The following ADGRL3 variants were observed in gnomAD, a reference collection of about 807,000 sequenced individuals.
ADGRL3 encodes adhesion G protein-coupled receptor L3.
In ADGRL3, 62 loss-of-function variants were observed where a neutral mutation model predicts 153.5. The ratio of observed to expected loss-of-function variants is 0.40; its 90% CI spans 0.33 to 0.50. The LOEUF is 0.50. Among genes scored for constraint, ADGRL3 ranks in the 20% least tolerant of loss-of-function variants. The probability of loss-of-function intolerance (pLI) is 0.47; values close to 1 mark genes in which losing one functional copy is unlikely to be tolerated. For synonymous variants in ADGRL3, 710 were observed against 672.5 expected (o/e 1.06, Z -0.86); for missense variants, 1,641 against 1,859.4 (o/e 0.88, Z 2.16).
intron 2 of ADGRL3, among the ~76,000 whole-genome samples, chr4:61,429,815 T>A (rs1340652212): frequency 6.6e-6 from 1 of 152,110 alleles, no homozygotes; most frequent in African/African-American, 2.4e-5. Flanking sequence ...GGAAATGAAG[T>A]AATTTTTTAA....
At chr4:62,042,713 C>A (rs575364201) in intron 24 of ADGRL3, among the ~76,000 whole-genome samples, 5 of 151,958 alleles carry the variant, frequency 3.3e-5, no homozygotes, top group African/African-American at 9.7e-5. Context: ...AAGGACATAT[C>A]CCTTAATATA....
At chr4:61,372,830 C>G (rs946271000) in intron 1 of ADGRL3, among the ~76,000 whole-genome samples, 10 of 152,162 alleles carry the variant, frequency 6.6e-5, no homozygotes, top group African/African-American at 1.9e-4. Flanking sequence ...CCCCCAGTCT[C>G]GCTGCCGCCT....
At chr4:61,830,617 A>T (rs191597571) in intron 9 of ADGRL3, among the ~76,000 whole-genome samples, 1 of 152,150 alleles carries the variant, frequency 6.6e-6, no homozygotes, top group Non-Finnish European at 1.5e-5. Context: ...GATAAGACCA[A>T]CTGTAGGGGG....
At chr4:61,597,301 G>A (rs1000663856) in intron 5 of ADGRL3, among the ~76,000 whole-genome samples, 1 of 152,086 alleles carries the variant, frequency 6.6e-6, no homozygotes, top group African/African-American at 2.4e-5. Flanking sequence ...ACAAGAAGGA[G>A]AGATAGTTGT....
At chr4:61,779,957 A>C (rs1186068860) in intron 8 of ADGRL3, among the ~76,000 whole-genome samples, 1 of 152,130 alleles carries the variant, frequency 6.6e-6, no homozygotes, top group African/African-American at 2.4e-5. Context: ...GTGTTGATTC[A>C]GTATTTGAAG....
At chr4:61,802,563 T>C (rs1035602290) in intron 8 of ADGRL3, among the ~76,000 whole-genome samples, 6 of 152,102 alleles carry the variant, frequency 3.9e-5, no homozygotes, top group African/African-American at 1.2e-4. Flanking sequence ...CCATGAGCAC[T>C]GCTCATCGGT....
At chr4:61,956,517 C>G (rs1468983325) in intron 17 of ADGRL3, among the ~76,000 whole-genome samples, 1 of 152,124 alleles carries the variant, frequency 6.6e-6, no homozygotes, top group Non-Finnish European at 1.5e-5. Context: ...GTTTCTTTCA[C>G]TGTGCAGAAG....
At chr4:61,659,844 T>C (rs920717602) in intron 5 of ADGRL3, among the ~76,000 whole-genome samples, 15 of 139,202 alleles carry the variant, frequency 1.1e-4, no homozygotes, top group African/African-American at 4.0e-4. Context: ...AGACTACTTA[T>C]GAAGAGCCTG....
chr4:61,912,227 A>T lies in ADGRL3; in HGVS notation c.2074-492A>T, dbSNP rs184084532. ...AATGGGCATTTCTTTTTTCCTGATAAATAGAAGTTTTTGTATATATGAAGA... is the reference window on the plus strand; with the variant it reads ...AATGGGCATTTCTTTTTTCCTGATATATAGAAGTTTTTGTATATATGAAGA... On this transcript the variant is annotated intron_variant, in intron 12 of 26. Transcript: ENST00000683033. Among the ~76,000 whole-genome samples the T allele has an allele frequency of 2.0e-5, 3 of 152,264 alleles. No individual in the cohort carries two copies. In the East Asian group the frequency reaches 5.8e-4, roughly 29 times the overall value.
intron 5 of ADGRL3, among the ~76,000 whole-genome samples, chr4:61,651,973 A>T (rs1238944512): frequency 6.6e-6 from 1 of 152,090 alleles, no homozygotes; most frequent in African/African-American, 2.4e-5. Flanking sequence ...ATTTGTATTA[A>T]AAAAAGAAAA....
chr4:61,945,929 G>A (rs890415771), intron 15 of ADGRL3, among the ~76,000 whole-genome samples: 3 of 152,162 alleles, frequency 2.0e-5, no homozygotes, highest in African/African-American at 7.2e-5. Context: ...GTAGACTGGA[G>A]CTGTTCCTAT....
intron 4 of ADGRL3, among the ~76,000 whole-genome samples, chr4:61,556,174 A>G (rs895432037): frequency 2.0e-5 from 3 of 152,178 alleles, no homozygotes; most frequent in African/African-American, 7.2e-5. Flanking sequence ...TGCCATACCT[A>G]TATTTTTATG....
intron 4 of ADGRL3, among the ~76,000 whole-genome samples, chr4:61,528,821 T>A (rs1283576520): frequency 6.6e-6 from 1 of 152,096 alleles, no homozygotes; most frequent in Admixed American, 6.5e-5. Context: ...GATGGTGTGC[T>A]TACAAAGACC....
At chr4:61,700,857 G>A (rs2095744863) in intron 6 of ADGRL3, among the ~76,000 whole-genome samples, 1 of 152,190 alleles carries the variant, frequency 6.6e-6, no homozygotes, top group African/African-American at 2.4e-5. Flanking sequence ...GCTAGGGAGA[G>A]AAAGAATAAC....
At chr4:61,381,886 T>C (rs186193420) in intron 1 of ADGRL3, among the ~76,000 whole-genome samples, 43 of 152,118 alleles carry the variant, frequency 2.8e-4, no homozygotes, top group South Asian at 2.3e-3. Context: ...TGAATTGTTC[T>C]TGTGGTACAA....
intron 1 of ADGRL3, among the ~76,000 whole-genome samples, chr4:61,216,270 C>G (rs1163108856): frequency 2.0e-5 from 3 of 151,988 alleles, no homozygotes; most frequent in Non-Finnish European, 4.4e-5. Context: ...ATTAAGGAGT[C>G]TGATATATTT....
At chr4:62,006,032 A>ATATATATATAT (rs1203029363) in intron 21 of ADGRL3, among the ~76,000 whole-genome samples, 22 of 73,076 alleles carry the variant, frequency 3.0e-4, no homozygotes, top group East Asian at 1.6e-3. Flanking sequence ...ATATATATAT[A>ATATATATATAT]TTTTTTTTTT....
At chr4:61,515,131 C>T (rs2098485249) in intron 3 of ADGRL3, among the ~76,000 whole-genome samples, 1 of 152,158 alleles carries the variant, frequency 6.6e-6, no homozygotes, top group Admixed American at 6.6e-5. Flanking sequence ...AGCTCATGAT[C>T]TGGATGTTGC....
intron 17 of ADGRL3, among the ~76,000 whole-genome samples, chr4:61,971,925 T>C (rs1371481048): frequency 6.6e-6 from 1 of 152,214 alleles, no homozygotes; most frequent in East Asian, 1.9e-4. Context: ...GAGCATTTTT[T>C]CATGTGTCTT....
Sources: allele counts gnomAD v4.1 joint callset (sites outside exome capture counted in the v4.1 genomes callset), GRCh38; gene constraint gnomAD v4.1.1; transcripts MANE v1.5; gene names NCBI Gene and HGNC (gene_info 2026-07-23, HGNC 2026-07-21).